Variants in BCAS1 observed in about 807,000 individuals in gnomAD.
BCAS1 encodes the protein breast carcinoma-amplified sequence 1.
BCAS1 carries 46 observed loss-of-function variants against 65.4 expected under a neutral mutation model. That is an observed-to-expected ratio of 0.70 (90% CI 0.55 to 0.90). BCAS1 has a LOEUF of 0.90. Among genes scored for constraint, BCAS1 ranks in the 40% least tolerant of loss-of-function variants. The pLI is 0.00. For synonymous variants in BCAS1, 298 were observed against 293.5 expected, an observed-to-expected ratio of 1.02 and a Z score of -0.16; for missense variants, 793 against 771.2, an observed-to-expected ratio of 1.03 and a Z score of -0.33.
rs201469401 is a variant in BCAS1, at chr20:54,028,936, G to C, written c.179C>G (p.Ala60Gly). 601 of 1,613,422 alleles carry C rather than the reference G, an allele frequency of 3.7e-4. 1 individual carries two copies. Among genetic ancestry groups the C allele is most frequent in the Non-Finnish European group, 4.5e-4 (529 of 1,179,900 alleles). ...CTCCGTTGTCTCGGGGGAAGAAGTG[G>C]CCACATTATCCGTCTTGACACTTAT... is the stretch of plus-strand genomic sequence containing the variant. ...LGISVKTDNV[A>G]TSSPETTEIS... Residue 60 changes from alanine (A) to glycine (G), a missense_variant, in exon 4 of 13, where the codon GCC becomes GGC. Coordinates refer to ENST00000688948, the MANE Select transcript of BCAS1 (RefSeq NM_001366298.2).
At chr20:53,982,244 C>G (rs763134645) in intron 8 of BCAS1, among the ~76,000 whole-genome samples, 16 of 152,118 alleles carry the variant, frequency 1.1e-4, no homozygotes, top group Non-Finnish European at 5.9e-5. Context: ...AAAAGAAACT[C>G]AAATAGTGTA....
At position 54,058,157 on chromosome 20, in the gene BCAS1, G is replaced by A. The variant is rs769228455; in HGVS notation, c.73-3C>T. The A allele has an allele frequency of 2.0e-5, 32 of 1,613,770 alleles. No homozygotes were observed. Among genetic ancestry groups the A allele is most frequent in the Non-Finnish European group, 2.6e-5 (31 of 1,179,758 alleles). ...CCGTTCAGAGCAGACGCGTTGTCCT[G>A]AAACAGAGCACGTGGCATTGTGAGA... On this transcript the variant is annotated splice_polypyrimidine_tract_variant and splice_region_variant and intron_variant, in intron 2 of 12. Coordinates refer to ENST00000688948, the MANE Select transcript of BCAS1 (RefSeq NM_001366298.2).
At chr20:54,043,706 C>A (rs1200302003) in intron 3 of BCAS1, among the ~76,000 whole-genome samples, 1 of 152,114 alleles carries the variant, frequency 6.6e-6, no homozygotes, top group African/African-American at 2.4e-5. Flanking sequence ...CTGGGCCCCA[C>A]CCCCAGGGAA....
chr20:53,956,510 A>C (rs2089704306), intron 11 of BCAS1, among the ~76,000 whole-genome samples: 1 of 152,262 alleles, frequency 6.6e-6, no homozygotes, highest in African/African-American at 2.4e-5. Context: ...ACATGTATTG[A>C]GCCCTCTATA....
intron 9 of BCAS1, among the ~76,000 whole-genome samples, chr20:53,968,652 TTTC>T (rs1381245885): frequency 6.6e-6 from 1 of 152,236 alleles, no homozygotes; most frequent in Non-Finnish European, 1.5e-5. Context: ...TTTCTAGTAT[TTTC>T]TTTTTTGTAA....
At chr20:54,023,509 T>C (rs771660788) in intron 4 of BCAS1, among the ~76,000 whole-genome samples, 25 of 152,226 alleles carry the variant, frequency 1.6e-4, no homozygotes, top group Non-Finnish European at 7.3e-5. Flanking sequence ...TCCGAAATCA[T>C]CCAAGAGTGG....
chr20:53,947,363 G>T (rs187399731), intron 12 of BCAS1, among the ~76,000 whole-genome samples: 376 of 152,260 alleles, frequency 2.5e-3, no homozygotes, highest in Admixed American at 7.1e-3. Context: ...AGGACCTACT[G>T]CAGACAATAC....
At chr20:54,049,089 A>C (rs890242954) in intron 3 of BCAS1, among the ~76,000 whole-genome samples, 4 of 152,226 alleles carry the variant, frequency 2.6e-5, no homozygotes, top group Non-Finnish European at 4.4e-5. Flanking sequence ...CAGGTCTCCC[A>C]TTCCACTTTG....
chr20:54,059,907 T>C (rs13039366), intron 1 of BCAS1, among the ~76,000 whole-genome samples: 1 of 152,220 alleles, frequency 6.6e-6, no homozygotes, highest in African/African-American at 2.4e-5. Flanking sequence ...CTGTGTCTAT[T>C]GAGCACAGCT....
intron 3 of BCAS1, among the ~76,000 whole-genome samples, chr20:54,046,078 T>C (rs1568916982): frequency 6.6e-6 from 1 of 152,222 alleles, no homozygotes; most frequent in Non-Finnish European, 1.5e-5. Context: ...TATTCATATA[T>C]GTTAATTGGT....
chr20:54,055,951 T>C (rs374135536), intron 3 of BCAS1, among the ~76,000 whole-genome samples: 3 of 152,168 alleles, frequency 2.0e-5, no homozygotes, highest in African/African-American at 7.2e-5. Flanking sequence ...GAAAGACAAA[T>C]ACTATATGAT....
At chr20:53,962,675 T>C (rs1347142920) in intron 10 of BCAS1, among the ~76,000 whole-genome samples, 1 of 152,172 alleles carries the variant, frequency 6.6e-6, no homozygotes, top group East Asian at 1.9e-4. Context: ...AATCTTTTCC[T>C]ATTTAGGGCA....
intron 10 of BCAS1, among the ~76,000 whole-genome samples, chr20:53,965,886 A>G (rs900839414): frequency 1.4e-4 from 22 of 152,236 alleles, no homozygotes; most frequent in Non-Finnish European, 1.9e-4. Flanking sequence ...TTAAAAATAA[A>G]TAATAGTAAG....
intron 12 of BCAS1, 121 bp from the exon 13 acceptor site, chr20:53,945,117 C>A: frequency 2.3e-6 from 2 of 858,132 alleles, no homozygotes; most frequent in South Asian, 1.4e-5. Flanking sequence ...ATATCTCATT[C>A]CTCAGTGCTG....
chr20:53,967,828 T>C (rs2090075617), intron 9 of BCAS1, among the ~76,000 whole-genome samples: 1 of 152,214 alleles, frequency 6.6e-6, no homozygotes, highest in Non-Finnish European at 1.5e-5. Flanking sequence ...CTCACTCCAT[T>C]TGTACAGGGC....
chr20:54,011,235 T>G (rs1011403460), intron 4 of BCAS1, among the ~76,000 whole-genome samples: 1 of 151,978 alleles, frequency 6.6e-6, no homozygotes, highest in Non-Finnish European at 1.5e-5. Flanking sequence ...AAATTGGAAT[T>G]CATCAAAACT....
rs985252577 is a variant in BCAS1, at chr20:53,995,056, C to G, written c.883G>C (p.Val295Leu). 6.2e-7 allele frequency: 1 copy of G among 1,612,748 alleles called. No individual in the cohort carries two copies. Among genetic ancestry groups the G allele is most frequent in the Non-Finnish European group, 8.5e-7 (1 of 1,179,194 alleles). Residue 295 changes from valine to leucine, a missense_variant and splice_region_variant, in exon 6 of 13, where the codon GTT (valine) becomes CTT (leucine). Transcript: ENST00000688948. Reference protein sequence around the residue: ...NSIMSFFKTLVSPNKAETKKD... With the variant: ...NSIMSFFKTLLSPNKAETKKD... Reference sequence around the variant, plus strand: ...TTTGTTTCAGCTTTGTTAGGTGAAACCTTAAAAGTTTGAGAAAGCCAAATA... The same window carrying G: ...TTTGTTTCAGCTTTGTTAGGTGAAAGCTTAAAAGTTTGAGAAAGCCAAATA...
At chr20:54,049,628 A>G (rs887386151) in intron 3 of BCAS1, among the ~76,000 whole-genome samples, 6 of 151,644 alleles carry the variant, frequency 4.0e-5, no homozygotes, top group African/African-American at 1.5e-4. Flanking sequence ...CTGAACTCAA[A>G]CTCCTGGACT....
At chr20:53,981,535 C>T (rs939046194) in intron 8 of BCAS1, among the ~76,000 whole-genome samples, 3 of 149,736 alleles carry the variant, frequency 2.0e-5, no homozygotes, top group South Asian at 2.1e-4. Context: ...AGTCATTTGG[C>T]GTTCTTTTTT....
Sources: gnomAD v4.1 joint callset for allele counts (sites outside exome capture counted in the v4.1 genomes callset) on GRCh38, gnomAD v4.1.1 for gene constraint, MANE v1.5 for transcripts, NCBI Gene and HGNC (gene_info 2026-07-23, HGNC 2026-07-21) for gene names.